The following ILDR2 variants were observed in gnomAD, a reference collection of about 807,000 sequenced individuals.
ILDR2 encodes the protein immunoglobulin like domain containing receptor 2.
A neutral mutation model predicts 66.8 loss-of-function variants in ILDR2; 25 were observed. The observed-to-expected ratio is 0.37, with a 90% CI of 0.27 to 0.52. The LOEUF (loss-of-function observed/expected upper bound fraction) is 0.52. Ranked by LOEUF, ILDR2 falls within the 20% of genes least tolerant of loss-of-function variation. ILDR2 has a pLI of 0.88. For synonymous variants in ILDR2, 367 were observed against 357.2 expected (o/e 1.03, Z -0.31); for missense variants, 827 against 876.8 (o/e 0.94, Z 0.72).
In ILDR2 at chr1:166,921,752, C is replaced by A. The variant is rs1374235056; in HGVS notation, c.1212-373G>T. On this transcript the variant is annotated intron_variant, in intron 8 of 9. Transcript: ENST00000271417. This position sits in a 1 kb window ranked among gnomAD's most constrained non-coding sequence, Gnocchi z 5.3. ...AGGTGTCAGTACACACAGTTATGGTCCCAGGAGTCCCTGTAATGTGTGGTG... is the reference window on the plus strand; with the variant it reads ...AGGTGTCAGTACACACAGTTATGGTACCAGGAGTCCCTGTAATGTGTGGTG... Among the ~76,000 whole-genome samples, 5 of 152,200 alleles carry A rather than the reference C, an allele frequency of 3.3e-5. No individual in the cohort carries two copies. Among genetic ancestry groups the A allele is most frequent in the Admixed American group, 2.0e-4 (3 of 15,280 alleles).
At position 166,914,632 on chromosome 1, in the gene ILDR2, G is replaced by A. The variant is rs1276116202; in HGVS notation, c.*4723C>T. 1 of 152,178 alleles carries A rather than the reference G, an allele frequency of 6.6e-6. No individual in the cohort carries two copies. The highest frequency in any genetic ancestry group is 1.5e-5 in the Non-Finnish European group (1 of 68,030). 9.4% of individuals were successfully genotyped at this position (152,178 alleles called of 1,614,324 possible). The stretch of plus-strand genomic sequence containing the variant: ...CCCCTTCAAATAGTGCTAAAGCTCA[G>A]GCTGCTGCTTAAAGCATCTCAACAC... On this transcript the variant is annotated 3_prime_UTR_variant, in exon 10 of 10. Transcript: ENST00000271417.
intron 3 of ILDR2, among the ~76,000 whole-genome samples, chr1:166,942,742 T>C (rs535716970): frequency 6.9e-4 from 105 of 152,374 alleles, no homozygotes; most frequent in African/African-American, 2.5e-3. Flanking sequence ...ATACAAGATC[T>C]AGTCACCTAT....
intron 1 of ILDR2, among the ~76,000 whole-genome samples, chr1:166,967,156 T>C (rs879879878): frequency 6.6e-6 from 1 of 152,208 alleles, no homozygotes; most frequent in Non-Finnish European, 1.5e-5. Flanking sequence ...AGAAGCGATG[T>C]GTGTAACGTC....
chr1:166,971,266 A>G (rs1663275584), intron 1 of ILDR2, among the ~76,000 whole-genome samples: 2 of 152,242 alleles, frequency 1.3e-5, no homozygotes, highest in Admixed American at 6.5e-5. Context: ...CTTCTGGGAC[A>G]TAGGAGTAAG....
At chr1:166,962,687 G>A (rs1320006433) in intron 1 of ILDR2, among the ~76,000 whole-genome samples, 2 of 152,036 alleles carry the variant, frequency 1.3e-5, no homozygotes, top group Middle Eastern at 3.2e-3. Context: ...GGAGTATCCT[G>A]AGCTGGGGTC....
At chr1:166,926,625 A>G (rs1468974379) in intron 7 of ILDR2, among the ~76,000 whole-genome samples, 1 of 151,758 alleles carries the variant, frequency 6.6e-6, no homozygotes, top group Non-Finnish European at 1.5e-5. Context: ...ATCTTAAGAC[A>G]TTACTTTGAA....
chr1:166,942,799 GC>G (rs1391409680), intron 3 of ILDR2, among the ~76,000 whole-genome samples: 1 of 152,220 alleles, frequency 6.6e-6, no homozygotes, highest in Admixed American at 6.5e-5. Flanking sequence ...GAAATTGCTA[GC>G]CCTTCTTATT....
intron 3 of ILDR2, among the ~76,000 whole-genome samples, chr1:166,939,920 G>A (rs145637074): frequency 2.0e-5 from 3 of 152,278 alleles, no homozygotes; most frequent in East Asian, 3.9e-4. Flanking sequence ...AGTCAAGCCC[G>A]TCTGTATCCA....
intron 1 of ILDR2, among the ~76,000 whole-genome samples, chr1:166,974,484 C>G (rs900633441): frequency 2.0e-5 from 3 of 152,214 alleles, no homozygotes; most frequent in Non-Finnish European, 4.4e-5. Context: ...CCCAGCTAGA[C>G]CAGTGACTTT....
chr1:166,939,648 G>A, intron 3 of ILDR2, 78 bp from the exon 4 acceptor site: 1 of 1,266,708 alleles, frequency 7.9e-7, no homozygotes, highest in South Asian at 1.2e-5. Context: ...GGCTCCAGTT[G>A]GTACCATCCA....
intron 4 of ILDR2, among the ~76,000 whole-genome samples, chr1:166,939,019 T>C (rs1265466985): frequency 6.6e-6 from 1 of 152,178 alleles, no homozygotes; most frequent in African/African-American, 2.4e-5. Flanking sequence ...TACAAAGTAA[T>C]GTAGGTCTGC....
chr1:166,949,906 A>G lies in ILDR2; in HGVS notation c.499+6827T>C, dbSNP rs2101953596. 3.3e-5 allele frequency among the ~76,000 whole-genome samples: 5 copies of G among 152,024 alleles called. 1 individual carries two copies. The highest frequency in any genetic ancestry group is 7.4e-5 in the Non-Finnish European group (5 of 67,968). Reference sequence around the variant, plus strand: ...CAGTGGGGCTGAGGCCTGAAAAGCCACTCCTCATTTGTTTTCTGTCTCTCA... The same window carrying G: ...CAGTGGGGCTGAGGCCTGAAAAGCCGCTCCTCATTTGTTTTCTGTCTCTCA... On this transcript the variant is annotated intron_variant, in intron 3 of 9. Transcript: ENST00000271417.
intron 3 of ILDR2, among the ~76,000 whole-genome samples, chr1:166,952,857 C>T (rs1461241648): frequency 6.6e-6 from 1 of 152,082 alleles, no homozygotes; most frequent in Non-Finnish European, 1.5e-5. Context: ...GGAATCAAAA[C>T]ACTTGAGTTT....
At position 166,970,970 on chromosome 1, in the gene ILDR2, G is replaced by A. The variant is rs546363644; in HGVS notation, c.46+4253C>T. On this transcript the variant is annotated intron_variant, in intron 1 of 9. Transcript: ENST00000271417. ...TGAGGTGTCAGCAGTCTCTAAAAGC[G>A]ATTCTTCTTTCTCCAGGGCTAATAA... 2.6e-5 allele frequency among the ~76,000 whole-genome samples: 4 copies of A among 152,280 alleles called. No homozygotes were observed. In the East Asian group the frequency reaches 5.8e-4, roughly 22 times the overall value.
intron 1 of ILDR2, 81 bp downstream of exon 1, chr1:166,975,141 TG>T (rs879192515): frequency 1.1e-5 from 13 of 1,220,106 alleles, no homozygotes; most frequent in South Asian, 3.7e-5. Flanking sequence ...AGGAGGAAAA[TG>T]GGGGGGCGGG....
intron 1 of ILDR2, among the ~76,000 whole-genome samples, chr1:166,966,405 T>C (rs936138466): frequency 6.6e-6 from 1 of 152,182 alleles, no homozygotes; most frequent in African/African-American, 2.4e-5. Flanking sequence ...TTTTCGTATG[T>C]TTTCCCCCCA....
At chr1:166,898,344 A>G (rs1659206036) in intron 2 of ILDR2, among the ~76,000 whole-genome samples, 1 of 152,150 alleles carries the variant, frequency 6.6e-6, no homozygotes, top group Non-Finnish European at 1.5e-5. Flanking sequence ...TGATCCCCAC[A>G]TCCACTTTCC....
intron 1 of ILDR2, among the ~76,000 whole-genome samples, chr1:166,958,439 T>C (rs984926152): frequency 1.3e-5 from 2 of 152,096 alleles, no homozygotes; most frequent in African/African-American, 4.8e-5. Context: ...GTGTGGTACT[T>C]CCCCCTTCAC....
chr1:166,928,429 TA>T (rs1365022047), intron 6 of ILDR2, among the ~76,000 whole-genome samples: 1 of 152,038 alleles, frequency 6.6e-6, no homozygotes, highest in Non-Finnish European at 1.5e-5. Flanking sequence ...AAGCCCAGAG[TA>T]AGAACTGCTT....
Sources: gnomAD v4.1 joint callset for allele counts (sites outside exome capture counted in the v4.1 genomes callset) on GRCh38, gnomAD v4.1.1 for gene constraint, Gnocchi (gnomAD v3.1) non-coding constraint, MANE v1.5 for transcripts, NCBI Gene and HGNC (gene_info 2026-07-23, HGNC 2026-07-21) for gene names.